The following SSBP2 variants were observed in gnomAD, a reference collection of about 807,000 sequenced individuals.
The protein encoded by SSBP2 is single-stranded DNA-binding protein 2.
In SSBP2, 17 loss-of-function variants were observed where a neutral mutation model predicts 61.8. That is an observed-to-expected ratio of 0.28 (90% CI 0.19 to 0.41). The LOEUF is 0.41. Among genes scored for constraint, SSBP2 ranks in the 10% least tolerant of loss-of-function variants. The pLI is 1.00. For missense variants in SSBP2, 310 were observed against 458.7 expected, an observed-to-expected ratio of 0.68 and a Z score of 2.96; for synonymous variants, 139 against 141.3, an observed-to-expected ratio of 0.98 and a Z score of 0.12.
In SSBP2 at chr5:81,433,605, AAAAAG is replaced by A. The variant is rs1178967448; in HGVS notation, c.957+3820_957+3824del. 2.7e-3 allele frequency among the ~76,000 whole-genome samples: 405 copies of A among 151,716 alleles called. 1 individual carries two copies. Among genetic ancestry groups the A allele is most frequent in the Non-Finnish European group, 5.4e-3 (367 of 67,938 alleles). ...AAGAATGATCAATAAAAAAAAAAAAAAAAAGAAAGAAAACAAACCATATACTTCTC... is the reference window on the plus strand; with the variant it reads ...AAGAATGATCAATAAAAAAAAAAAAAAAAGAAAACAAACCATATACTTCTC... On this transcript the variant is annotated intron_variant, in intron 15 of 16. Coordinates refer to ENST00000320672, the MANE Select transcript of SSBP2 (RefSeq NM_012446.5).
intron 1 of SSBP2, among the ~76,000 whole-genome samples, chr5:81,695,773 C>T (rs1753559497): frequency 2.0e-5 from 3 of 152,024 alleles, no homozygotes; most frequent in Admixed American, 2.0e-4. Context: ...TTTGCTTTGA[C>T]TAAATGAGGT....
At chr5:81,475,121 G>A (rs932992899) in intron 6 of SSBP2, among the ~76,000 whole-genome samples, 3 of 152,114 alleles carry the variant, frequency 2.0e-5, no homozygotes, top group East Asian at 1.9e-4. Flanking sequence ...AGATATGAAC[G>A]TAACAGGGTT....
Position 81,463,635 on chromosome 5 carries a change from A to C in SSBP2, c.639-2532T>G, listed in dbSNP as rs558657417. On this transcript the variant is annotated intron_variant, in intron 9 of 16. Coordinates refer to ENST00000320672, the MANE Select transcript of SSBP2 (RefSeq NM_012446.5). The stretch of plus-strand genomic sequence containing the variant: ...GAATTGCTTGAACCGGAGAGGCAGA[A>C]GTTGCAGTGAGCCGAGATCATGCTA... 3.2e-3 allele frequency among the ~76,000 whole-genome samples: 489 copies of C among 152,166 alleles called. 8 individuals carry two copies. Among genetic ancestry groups the C allele is most frequent in the East Asian group, 2.5e-3 (13 of 5,176 alleles).
intron 1 of SSBP2, among the ~76,000 whole-genome samples, chr5:81,693,551 CA>C (rs1244219789): frequency 4.6e-5 from 7 of 152,228 alleles, no homozygotes; most frequent in African/African-American, 1.7e-4. Flanking sequence ...AGAAGTCATA[CA>C]AATGGCAAAC....
At chr5:81,576,554 G>A (rs984645413) in intron 4 of SSBP2, among the ~76,000 whole-genome samples, 2 of 152,192 alleles carry the variant, frequency 1.3e-5, no homozygotes, top group East Asian at 1.9e-4. Context: ...CAGAGTCTGT[G>A]TACTTACTTA....
At position 81,412,861 on chromosome 5, in the gene SSBP2, G is replaced by T. The variant is rs1454414261; in HGVS notation, c.*7643C>A. 6.6e-6 allele frequency among the ~76,000 whole-genome samples: 1 copy of T among 151,332 alleles called. No homozygotes were observed. The highest frequency in any genetic ancestry group is 1.5e-5 in the Non-Finnish European group (1 of 67,808). On this transcript the variant is annotated 3_prime_UTR_variant, in exon 17 of 17. Transcript: ENST00000320672. ...ACATATCTATTTGCTAATAACATTA[G>T]TTTTTTTTTGGCATTCCATGTTTAG...
intron 1 of SSBP2, among the ~76,000 whole-genome samples, chr5:81,747,025 G>GGC (rs911151705): frequency 5.0e-5 from 7 of 141,208 alleles, no homozygotes; most frequent in Non-Finnish European, 9.3e-5. Flanking sequence ...AAATTCCTGG[G>GGC]GGGGGGGGGA....
At chr5:81,524,066 A>T (rs1255454444) in intron 4 of SSBP2, among the ~76,000 whole-genome samples, 1 of 152,048 alleles carries the variant, frequency 6.6e-6, no homozygotes, top group Non-Finnish European at 1.5e-5. Context: ...TACAGTTCTT[A>T]CTATTCTTAC....
intron 1 of SSBP2, among the ~76,000 whole-genome samples, chr5:81,745,785 A>C (rs2154027061): frequency 6.6e-6 from 1 of 152,254 alleles, no homozygotes; most frequent in East Asian, 1.9e-4. Context: ...TGGAAGAAAG[A>C]AGATTCTAAA....
At chr5:81,603,240 C>T (rs1744553069) in intron 4 of SSBP2, among the ~76,000 whole-genome samples, 1 of 152,172 alleles carries the variant, frequency 6.6e-6, no homozygotes, top group Non-Finnish European at 1.5e-5. Flanking sequence ...TTTCTCCACT[C>T]AGGTGGCTAG....
chr5:81,572,731 A>G (rs1315986919), intron 4 of SSBP2, among the ~76,000 whole-genome samples: 2 of 152,206 alleles, frequency 1.3e-5, no homozygotes, highest in African/African-American at 4.8e-5. Context: ...TTCCTCTTTT[A>G]ACTTACCTCA....
intron 4 of SSBP2, among the ~76,000 whole-genome samples, chr5:81,560,200 T>C (rs550923536): frequency 2.8e-4 from 43 of 152,316 alleles, no homozygotes; most frequent in Non-Finnish European, 1.0e-4. Context: ...GATTCTCATG[T>C]CATTTCCAAT....
Position 81,536,877 on chromosome 5 carries a change from A to G in SSBP2, c.283-23160T>C, listed in dbSNP as rs1770843874. Among the ~76,000 whole-genome samples the G allele has an allele frequency of 2.6e-5, 4 of 151,898 alleles. No homozygotes were observed. In the South Asian group the frequency reaches 8.3e-4, roughly 32 times the overall value. Reference sequence around the variant, plus strand: ...TCTACTAAAAATACAAAAAATTATCAGGGTGTGGTGGTGCTCGCCTGTAAT... The same window carrying G: ...TCTACTAAAAATACAAAAAATTATCGGGGTGTGGTGGTGCTCGCCTGTAAT... On this transcript the variant is annotated intron_variant, in intron 4 of 16. Coordinates refer to ENST00000320672, the MANE Select transcript of SSBP2 (RefSeq NM_012446.5).
intron 1 of SSBP2, chr5:81,710,774 A>G (rs773261282): frequency 3.9e-5 from 17 of 434,074 alleles, no homozygotes; most frequent in South Asian, 2.9e-4. Context: ...GAATTCTAAA[A>G]AGAAGTGAGA....
chr5:81,459,666 A>T (rs1328572100), intron 10 of SSBP2, among the ~76,000 whole-genome samples: 4 of 152,196 alleles, frequency 2.6e-5, no homozygotes, highest in Non-Finnish European at 5.9e-5. Flanking sequence ...GTTTTCTTGC[A>T]TTCTTTTTAT....
intron 1 of SSBP2, among the ~76,000 whole-genome samples, chr5:81,708,979 A>C (rs534197088): frequency 6.6e-6 from 1 of 152,068 alleles, no homozygotes; most frequent in African/African-American, 2.4e-5. Flanking sequence ...TAACTGATCT[A>C]TGTTGAATAT....
intron 1 of SSBP2, 55 bp downstream of exon 1, chr5:81,750,926 G>C: frequency 1.3e-6 from 2 of 1,535,424 alleles, no homozygotes; most frequent in Non-Finnish European, 8.8e-7. Context: ...GCGAGTGCGT[G>C]CGTGAGTGTG....
intron 1 of SSBP2, among the ~76,000 whole-genome samples, chr5:81,696,892 C>A (rs1236441660): frequency 1.3e-5 from 2 of 152,172 alleles, no homozygotes; most frequent in Non-Finnish European, 2.9e-5. Context: ...TGGCATCTGG[C>A]ACACTTTAAG....
chr5:81,666,040 A>C (rs1373965), intron 1 of SSBP2, among the ~76,000 whole-genome samples: 14,543 of 152,192 alleles, frequency 0.096, 1,732 homozygotes, highest in African/African-American at 0.28. Flanking sequence ...AAATGTTCAA[A>C]GCGCTTGCAA....
Sources: gnomAD v4.1 joint callset for allele counts (sites outside exome capture counted in the v4.1 genomes callset) on GRCh38, gnomAD v4.1.1 for gene constraint, MANE v1.5 for transcripts, NCBI Gene and HGNC (gene_info 2026-07-23, HGNC 2026-07-21) for gene names.